Variants in MUSK observed in about 807,000 individuals in gnomAD.
The protein encoded by MUSK is muscle, skeletal receptor tyrosine-protein kinase.
MUSK carries 55 observed loss-of-function variants against 88.7 expected under a neutral mutation model. The ratio of observed to expected loss-of-function variants is 0.62; its 90% CI spans 0.50 to 0.78. The LOEUF (loss-of-function observed/expected upper bound fraction) is 0.78. Among genes scored for constraint, MUSK ranks in the 30% least tolerant of loss-of-function variants. The pLI is 0.00. For synonymous variants in MUSK, 387 were observed against 391.9 expected (o/e 0.99, Z 0.15); for missense variants, 1,015 against 1,074.3 (o/e 0.94, Z 0.77).
At chr9:110,773,104 A>G (rs1588021718) in intron 9 of MUSK, among the ~76,000 whole-genome samples, 1 of 152,220 alleles carries the variant, frequency 6.6e-6, no homozygotes, top group East Asian at 1.9e-4. Context: ...TTATTGTCTA[A>G]CAAATATTTA....
At chr9:110,738,819 T>A (rs1268179896) in intron 6 of MUSK, among the ~76,000 whole-genome samples, 1 of 152,198 alleles carries the variant, frequency 6.6e-6, no homozygotes, top group African/African-American at 2.4e-5. Context: ...GACCTATTCA[T>A]GATTCTTCAG....
At chr9:110,711,812 G>A (rs1037482237) in intron 5 of MUSK, among the ~76,000 whole-genome samples, 2 of 152,142 alleles carry the variant, frequency 1.3e-5, no homozygotes, top group Admixed American at 6.6e-5. Flanking sequence ...AATCAAAAGT[G>A]GGGAGACTAT....
At chr9:110,785,074 TG>T in intron 12 of MUSK, 58 bp downstream of exon 12, 1 of 1,489,556 alleles carries the variant, frequency 6.7e-7, no homozygotes. Flanking sequence ...TTGTGTTTTA[TG>T]GAGTTGGTAT....
intron 5 of MUSK, among the ~76,000 whole-genome samples, chr9:110,704,389 T>G (rs1214711221): frequency 6.6e-6 from 1 of 152,214 alleles, no homozygotes; most frequent in Non-Finnish European, 1.5e-5. Flanking sequence ...CTCAGCTTCC[T>G]CTTCTCTAAA....
chr9:110,766,031 C>G (rs2077478154), intron 8 of MUSK, among the ~76,000 whole-genome samples: 1 of 152,140 alleles, frequency 6.6e-6, no homozygotes, highest in Non-Finnish European at 1.5e-5. Context: ...GTGCAGCACT[C>G]ACTCCTCCCA....
At chr9:110,695,051 A>G (rs2076414698) in intron 3 of MUSK, among the ~76,000 whole-genome samples, 1 of 152,158 alleles carries the variant, frequency 6.6e-6, no homozygotes, top group African/African-American at 2.4e-5. Flanking sequence ...TATGTCTATC[A>G]GTATGAATTA....
chr9:110,674,587 A>AGATGAT (rs144338094), intron 1 of MUSK, among the ~76,000 whole-genome samples: 6 of 151,744 alleles, frequency 4.0e-5, no homozygotes, highest in Admixed American at 6.6e-5. Context: ...AGATTCCCAG[A>AGATGAT]GATGATGATG....
intron 11 of MUSK, among the ~76,000 whole-genome samples, chr9:110,783,636 C>G (rs181275743): frequency 9.9e-5 from 15 of 151,974 alleles, no homozygotes; most frequent in African/African-American, 3.6e-4. Context: ...AACTATTGAT[C>G]TTTTAATTCT....
At chr9:110,744,930 C>A (rs555644918) in intron 6 of MUSK, among the ~76,000 whole-genome samples, 3 of 152,018 alleles carry the variant, frequency 2.0e-5, no homozygotes, top group Non-Finnish European at 4.4e-5. Flanking sequence ...ACCTGAGGTG[C>A]GAAAAAATAT....
intron 1 of MUSK, among the ~76,000 whole-genome samples, chr9:110,680,834 C>T (rs1343458687): frequency 6.9e-6 from 1 of 145,400 alleles, no homozygotes; most frequent in Non-Finnish European, 1.5e-5. Flanking sequence ...TTTTCTCAAA[C>T]TCCTATCAGA....
At chr9:110,713,937 A>G (rs552001815) in intron 5 of MUSK, among the ~76,000 whole-genome samples, 1 of 152,282 alleles carries the variant, frequency 6.6e-6, no homozygotes, top group African/African-American at 2.4e-5. Context: ...CATTAGGGGA[A>G]GTTGGGTGAA....
rs2078157211 is a variant in MUSK at position 110,806,009 on chromosome 9, T to C, written c.*5021T>C. Among the ~76,000 whole-genome samples, 1 of 152,032 alleles carries C rather than the reference T, an allele frequency of 6.6e-6. No homozygotes were observed. Among genetic ancestry groups the C allele is most frequent in the South Asian group, 2.1e-4 (1 of 4,830 alleles). ...TTATGAAAGTAATACATAAAAATGT[T>C]GTTTAAAAAAACTCACAAGAGGGTA... On this transcript the variant is annotated 3_prime_UTR_variant, in exon 15 of 15. Coordinates refer to ENST00000374448, the MANE Select transcript of MUSK (RefSeq NM_005592.4).
At chr9:110,677,118 G>T (rs1006151259) in intron 1 of MUSK, among the ~76,000 whole-genome samples, 3 of 152,122 alleles carry the variant, frequency 2.0e-5, no homozygotes, top group Non-Finnish European at 4.4e-5. Context: ...ATTATCTCCT[G>T]TCTTTCTCCA....
chr9:110,784,721 A>C lies in MUSK; in HGVS notation c.1385-94A>C, dbSNP rs572189. 0.83 allele frequency: 790,461 copies of C among 947,388 alleles called. 330,843 individuals are homozygous for C. The highest frequency in any genetic ancestry group is 0.96 in the African/African-American group (58,206 of 60,822). The allele number at this position is 947,388 out of a possible 1,614,324, so 58.7% of individuals were successfully genotyped here. On this transcript the variant is annotated intron_variant, in intron 11 of 14. Transcript: ENST00000374448. Reference sequence around the variant, plus strand: ...GGAGAACCTGATACATAAATATATTATTATCATGAAATTTATTTTACTGAT... The same window carrying C: ...GGAGAACCTGATACATAAATATATTCTTATCATGAAATTTATTTTACTGAT...
rs2846448 is a variant in MUSK, at chr9:110,747,498, C to T, written c.754-143C>T. ...AAGTCACATTGCAAGGGCATGGACA[C>T]AGGGAGGGAAAATCTTTTGGCTATG... On this transcript the variant is annotated intron_variant, in intron 6 of 14. Transcript: ENST00000374448. 0.76 allele frequency: 576,943 copies of T among 755,686 alleles called. 221,682 individuals are homozygous for T. Among genetic ancestry groups the T allele is most frequent in the African/African-American group, 0.8 (46,174 of 57,768 alleles). The allele number at this position is 755,686 out of a possible 1,614,324, so 46.8% of individuals were successfully genotyped here.
At chr9:110,772,652 T>C (rs1458761911) in intron 9 of MUSK, among the ~76,000 whole-genome samples, 1 of 152,050 alleles carries the variant, frequency 6.6e-6, no homozygotes, top group Non-Finnish European at 1.5e-5. Flanking sequence ...TCCTTTCTGC[T>C]CTTAAATGAG....
At chr9:110,736,758 T>C (rs572569124) in intron 6 of MUSK, among the ~76,000 whole-genome samples, 2 of 152,248 alleles carry the variant, frequency 1.3e-5, no homozygotes, top group South Asian at 2.1e-4. Flanking sequence ...TTTTGAGGTC[T>C]AGATGAAGGT....
At chr9:110,671,025 G>A (rs2075950441) in intron 1 of MUSK, among the ~76,000 whole-genome samples, 1 of 152,052 alleles carries the variant, frequency 6.6e-6, no homozygotes, top group African/African-American at 2.4e-5. Flanking sequence ...AGGCTGCAGT[G>A]CAGTGGTGTG....
chr9:110,714,656 T>C (rs1416216321), intron 5 of MUSK, among the ~76,000 whole-genome samples: 1 of 152,178 alleles, frequency 6.6e-6, no homozygotes, highest in Non-Finnish European at 1.5e-5. Flanking sequence ...TTTGTCATTA[T>C]TGCTAGGTTT....
Sources: allele counts gnomAD v4.1 joint callset (sites outside exome capture counted in the v4.1 genomes callset), GRCh38; gene constraint gnomAD v4.1.1; transcripts MANE v1.5; gene names NCBI Gene and HGNC (gene_info 2026-07-23, HGNC 2026-07-21).